The following PPP2R2B variants were observed in gnomAD, a reference collection of about 807,000 sequenced individuals.
PPP2R2B encodes the protein protein phosphatase 2 regulatory subunit Bbeta.
PPP2R2B carries 5 observed loss-of-function variants against 46.0 expected under a neutral mutation model. The observed-to-expected ratio is 0.11, with a 90% CI of 0.06 to 0.23. The LOEUF is 0.23. Among genes scored for constraint, PPP2R2B ranks in the 10% least tolerant of loss-of-function variants. PPP2R2B has a pLI of 1.00. For missense variants in PPP2R2B, 367 were observed against 575.0 expected (o/e 0.64, Z 3.70); for synonymous variants, 215 against 206.7 (o/e 1.04, Z -0.34).
At chr5:147,081,304 C>T (rs7716831) in exon 1 of PPP2R2B, 42,569 of 1,535,228 alleles carry the variant, frequency 0.028, 873 homozygotes, top group African/African-American at 0.1. Context: ...CCTGAGAGGA[C>T]GGTCAGTCTG....
At chr5:146,857,446 T>G (rs1262120203) in intron 2 of PPP2R2B, among the ~76,000 whole-genome samples, 1 of 152,204 alleles carries the variant, frequency 6.6e-6, no homozygotes, top group Non-Finnish European at 1.5e-5. Context: ...TTATTATCCT[T>G]AAATATCCTG....
intron 2 of PPP2R2B, among the ~76,000 whole-genome samples, chr5:146,768,484 C>G (rs1754629078): frequency 6.6e-6 from 1 of 152,172 alleles, no homozygotes; most frequent in African/African-American, 2.4e-5. Context: ...CAGCTCAGAC[C>G]AACCTCATCT....
intron 1 of PPP2R2B, among the ~76,000 whole-genome samples, chr5:146,939,522 C>T (rs962055522): frequency 6.6e-6 from 1 of 152,164 alleles, no homozygotes; most frequent in Admixed American, 6.6e-5. Flanking sequence ...TTTTGTAAGT[C>T]ATTCATAATT....
chr5:146,801,409 CAT>C (rs1337360007), intron 2 of PPP2R2B, among the ~76,000 whole-genome samples: 3 of 152,146 alleles, frequency 2.0e-5, no homozygotes, highest in African/African-American at 7.2e-5. Context: ...TTTTATGACA[CAT>C]ACATCAAATC....
intron 1 of PPP2R2B, chr5:146,922,533 C>G (rs1362097266): frequency 6.6e-6 from 1 of 152,362 alleles, no homozygotes; most frequent in South Asian, 2.1e-4. Flanking sequence ...GACTCCACAG[C>G]ACATGGGGCG....
At chr5:146,760,725 G>A (rs980031121) in intron 2 of PPP2R2B, among the ~76,000 whole-genome samples, 8 of 152,138 alleles carry the variant, frequency 5.3e-5, no homozygotes, top group African/African-American at 1.9e-4. Context: ...ACCTGGCTGA[G>A]GGGAGGGGTG....
intron 1 of PPP2R2B, among the ~76,000 whole-genome samples, chr5:146,926,580 T>A (rs185136699): frequency 5.5e-4 from 83 of 152,252 alleles, no homozygotes; most frequent in Admixed American, 1.5e-3. Flanking sequence ...GTTGCTCCTG[T>A]GTCTGTATAG....
At chr5:146,728,363 A>T (rs1752012854) in intron 2 of PPP2R2B, among the ~76,000 whole-genome samples, 1 of 152,012 alleles carries the variant, frequency 6.6e-6, no homozygotes, top group Non-Finnish European at 1.5e-5. Flanking sequence ...AATAAGAGAG[A>T]TTATCACTTA....
At chr5:146,717,917 T>C (rs1292369553) in intron 2 of PPP2R2B, among the ~76,000 whole-genome samples, 1 of 152,226 alleles carries the variant, frequency 6.6e-6, no homozygotes, top group Non-Finnish European at 1.5e-5. Context: ...CAGCACTTCC[T>C]GAGAGTGGAC....
At chr5:146,703,700 C>T (rs1256888207) in intron 2 of PPP2R2B, among the ~76,000 whole-genome samples, 1 of 152,086 alleles carries the variant, frequency 6.6e-6, no homozygotes, top group Non-Finnish European at 1.5e-5. Flanking sequence ...ACTTTAAGAC[C>T]CATGCAAGTC....
At chr5:147,023,118 A>T (rs986232260) in intron 1 of PPP2R2B, among the ~76,000 whole-genome samples, 1 of 152,212 alleles carries the variant, frequency 6.6e-6, no homozygotes, top group East Asian at 1.9e-4. Flanking sequence ...ATTTAGACAC[A>T]TATGTATACA....
chr5:146,982,332 G>A (rs1017914671), intron 1 of PPP2R2B, among the ~76,000 whole-genome samples: 2 of 152,068 alleles, frequency 1.3e-5, no homozygotes, highest in African/African-American at 4.8e-5. Context: ...CATGAAGTAT[G>A]TGATTTACTT....
chr5:146,887,758 C>A (rs1344816295), intron 1 of PPP2R2B, among the ~76,000 whole-genome samples: 1 of 152,022 alleles, frequency 6.6e-6, no homozygotes, highest in Non-Finnish European at 1.5e-5. Flanking sequence ...ATGTCACTGC[C>A]AAAAGGGCAC....
chr5:146,833,908 A>T (rs1371195652), intron 2 of PPP2R2B, among the ~76,000 whole-genome samples: 1 of 152,214 alleles, frequency 6.6e-6, no homozygotes, highest in African/African-American at 2.4e-5. Flanking sequence ...GGGAAATTAA[A>T]GATAACTCAT....
chr5:146,667,870 C>T (rs570597119), intron 5 of PPP2R2B, among the ~76,000 whole-genome samples: 1 of 152,284 alleles, frequency 6.6e-6, no homozygotes, highest in African/African-American at 2.4e-5. Context: ...ATAACACTTT[C>T]AGCCCAATTG....
chr5:147,080,743 T>G (rs1757946675), intron 2 of PPP2R2B, among the ~76,000 whole-genome samples: 1 of 152,170 alleles, frequency 6.6e-6, no homozygotes, highest in South Asian at 2.1e-4. Context: ...CTGAAAGTCT[T>G]AAAATGTCTG....
At chr5:146,811,159 A>G (rs1406432818) in intron 2 of PPP2R2B, among the ~76,000 whole-genome samples, 1 of 152,000 alleles carries the variant, frequency 6.6e-6, no homozygotes, top group Non-Finnish European at 1.5e-5. Context: ...ATGTGCCACC[A>G]TGCCTAATTT....
chr5:146,671,274 T>C lies in PPP2R2B; in HGVS notation c.447+19854A>G, dbSNP rs547812954. Among the ~76,000 whole-genome samples the C allele has an allele frequency of 1.8e-4, 28 of 152,322 alleles. No individual in the cohort carries two copies. In the South Asian group the frequency reaches 5.8e-3, roughly 32 times the overall value. ...TTAAGTATTTATAGAAAATGTACTGTGTCAGGCAAAATATTGGGTCTTGAG... is the reference window on the plus strand; with the variant it reads ...TTAAGTATTTATAGAAAATGTACTGCGTCAGGCAAAATATTGGGTCTTGAG... On this transcript the variant is annotated intron_variant, in intron 5 of 9. Transcript: ENST00000394411.
chr5:146,905,330 A>T (rs1762962014), intron 1 of PPP2R2B, among the ~76,000 whole-genome samples: 2 of 152,234 alleles, frequency 1.3e-5, no homozygotes, highest in Non-Finnish European at 2.9e-5. Flanking sequence ...CTGCATATTT[A>T]TTAGGGAGAA....
Sources: gnomAD v4.1 joint callset for allele counts (sites outside exome capture counted in the v4.1 genomes callset) on GRCh38, gnomAD v4.1.1 for gene constraint, MANE v1.5 for transcripts, NCBI Gene and HGNC (gene_info 2026-07-23, HGNC 2026-07-21) for gene names.